Variants in NDUFB9 observed in about 807,000 individuals in gnomAD.
NDUFB9 encodes NADH:ubiquinone oxidoreductase subunit B9.
NDUFB9 carries 24 observed loss-of-function variants against 30.2 expected under a neutral mutation model. The ratio of observed to expected loss-of-function variants is 0.80; its 90% CI spans 0.58 to 1.12. The LOEUF (loss-of-function observed/expected upper bound fraction) is 1.12, where lower values mean the gene tolerates loss of function less well. Ranked by LOEUF, NDUFB9 falls within the 50% of genes most tolerant of loss-of-function variation. The pLI is 0.00. For missense variants in NDUFB9, 204 were observed against 226.0 expected, an observed-to-expected ratio of 0.90 and a Z score of 0.62; for synonymous variants, 80 against 84.0, an observed-to-expected ratio of 0.95 and a Z score of 0.26.
chr8:124,547,564 G>C, intron 3 of NDUFB9: 1 of 371,870 alleles, frequency 2.7e-6, no homozygotes. Context: ...TCAAAAGGTT[G>C]TCATGACTAA....
At position 124,549,880 on chromosome 8, in the gene NDUFB9, G is replaced by A; in HGVS notation, c.528G>A (p.Glu176=). The stretch of plus-strand genomic sequence containing the variant: ...GGTATATTGTGACCAGACCCCGGGA[G>A]CGGCCCATGTAGAAAGAGAGAGACC... ...LWWYIVTRPR[E]RPM The change falls in exon 4 of 4, where the codon GAG becomes GAA. Residue 176 remains glutamate (E), a synonymous_variant. Coordinates refer to ENST00000276689, the MANE Select transcript of NDUFB9 (RefSeq NM_005005.3). The A allele has an allele frequency of 6.2e-7, 1 of 1,614,224 alleles. No homozygotes were observed.
intron 1 of NDUFB9, among the ~76,000 whole-genome samples, chr8:124,539,763 A>T (rs76412604): frequency 3.3e-5 from 5 of 152,326 alleles, no homozygotes; most frequent in Non-Finnish European, 7.4e-5. Flanking sequence ...TAACTTGCGC[A>T]AGGTGATAGA....
intron 2 of NDUFB9, among the ~76,000 whole-genome samples, chr8:124,544,893 A>G (rs545428327): frequency 6.6e-6 from 1 of 152,346 alleles, no homozygotes; most frequent in South Asian, 2.1e-4. Flanking sequence ...TCACCATTCT[A>G]AATGCCATTG....
intron 1 of NDUFB9, among the ~76,000 whole-genome samples, chr8:124,540,638 T>A (rs997662151): frequency 6.6e-6 from 1 of 152,184 alleles, no homozygotes; most frequent in Non-Finnish European, 1.5e-5. Context: ...AGTCCATAGT[T>A]CTAGAGGAAA....
chr8:124,546,338 T>C (rs893551469), intron 2 of NDUFB9, among the ~76,000 whole-genome samples: 6 of 152,202 alleles, frequency 3.9e-5, no homozygotes, highest in South Asian at 4.1e-4. Context: ...ATTCACAAAA[T>C]CTTCACCAGG....
In NDUFB9 at chr8:124,543,143, A is replaced by G; in HGVS notation, c.158A>G (p.Asn53Ser). ...LMRARFEEHK[N>S]EKDMAKATQL... ...AGAGCCCGGTTTGAAGAACATAAGA[A>G]TGAAAAGGATATGGCGAAGGCCACC... Residue 53 changes from asparagine to serine, a missense_variant, in exon 2 of 4, where the codon AAT becomes AGT. Transcript: ENST00000276689. The G allele has an allele frequency of 6.2e-7, 1 of 1,614,260 alleles. No homozygotes were observed. The highest frequency in any genetic ancestry group is 8.5e-7 in the Non-Finnish European group (1 of 1,180,046).
intron 2 of NDUFB9, among the ~76,000 whole-genome samples, chr8:124,545,623 G>A (rs1288367164): frequency 6.6e-6 from 1 of 151,914 alleles, no homozygotes; most frequent in Admixed American, 6.6e-5. Flanking sequence ...GGATCCCCTG[G>A]GCTCAAGCAA....
At chr8:124,549,701 A>T (rs1186667148) in intron 3 of NDUFB9, 60 bp from the exon 4 acceptor site, 1 of 1,539,420 alleles carries the variant, frequency 6.5e-7, no homozygotes, top group African/African-American at 1.4e-5. Flanking sequence ...ACTGCAGCAG[A>T]CAGATTTTTA....
intron 1 of NDUFB9, among the ~76,000 whole-genome samples, chr8:124,540,270 T>C (rs1821893130): frequency 6.6e-6 from 1 of 150,770 alleles, no homozygotes; most frequent in African/African-American, 2.4e-5. Context: ...GTTTTCCTTA[T>C]TTATTTATTG....
At position 124,539,152 on chromosome 8, in the gene NDUFB9, G is replaced by T; in HGVS notation, c.-35G>T. The T allele has an allele frequency of 1.2e-6, 2 of 1,613,666 alleles. No homozygotes were observed. Among genetic ancestry groups the T allele is most frequent in the Non-Finnish European group, 1.7e-6 (2 of 1,179,564 alleles). On this transcript the variant is annotated 5_prime_UTR_variant, in exon 1 of 4. Coordinates refer to ENST00000276689, the MANE Select transcript of NDUFB9 (RefSeq NM_005005.3). The stretch of plus-strand genomic sequence containing the variant: ...ACCCGCAGCAGGCGTGCAGTTTCCC[G>T]GCTCTCCGCGCGGCCGGGGAAGGTC...
At chr8:124,542,144 C>T (rs1328353377) in intron 1 of NDUFB9, among the ~76,000 whole-genome samples, 1 of 150,790 alleles carries the variant, frequency 6.6e-6, no homozygotes, top group East Asian at 2.0e-4. Context: ...TAGAACTCCT[C>T]ACCTCAGATG....
chr8:124,540,674 G>A (rs1030931884), intron 1 of NDUFB9, among the ~76,000 whole-genome samples: 2 of 152,170 alleles, frequency 1.3e-5, no homozygotes, highest in Non-Finnish European at 2.9e-5. Context: ...TACTATGACA[G>A]TTATGGCTCA....
In NDUFB9 at chr8:124,539,127, A is replaced by T; in HGVS notation, c.-60A>T. 1 of 1,612,926 alleles carries T rather than the reference A, an allele frequency of 6.2e-7. No individual in the cohort carries two copies. Reference sequence around the variant, plus strand: ...CCCTTCCGGCTGGCCCCGCTCAGTCACCCGCAGCAGGCGTGCAGTTTCCCG... The same window carrying T: ...CCCTTCCGGCTGGCCCCGCTCAGTCTCCCGCAGCAGGCGTGCAGTTTCCCG... On this transcript the variant is annotated 5_prime_UTR_variant, in exon 1 of 4. Transcript: ENST00000276689.
At chr8:124,543,933 G>GATT (rs376513082) in intron 2 of NDUFB9, among the ~76,000 whole-genome samples, 72 of 152,334 alleles carry the variant, frequency 4.7e-4, no homozygotes, top group African/African-American at 1.7e-3. Context: ...AGCTAGAAAT[G>GATT]ATTAAGCTTA....
chr8:124,540,803 G>C (rs142757043), intron 1 of NDUFB9, among the ~76,000 whole-genome samples: 2 of 152,088 alleles, frequency 1.3e-5, no homozygotes, highest in Non-Finnish European at 2.9e-5. Context: ...GTATGTACTC[G>C]GGCAGCCTCA....
intron 3 of NDUFB9, 58 bp downstream of exon 3, chr8:124,547,171 T>C (rs1462352805): frequency 7.4e-7 from 1 of 1,350,136 alleles, no homozygotes; most frequent in Non-Finnish European, 1.1e-6. Flanking sequence ...GAAGTTTTGC[T>C]CCCCACAAGC....
In NDUFB9 at chr8:124,539,192, G is replaced by A. The variant is rs147909196; in HGVS notation, c.6G>A (p.Ala2=). Reference sequence around the variant, plus strand: ...CGGGGAAGGTCAGCGCCGTAATGGCGTTCTTGGCGTCGGGACCCTACCTGA... The same window carrying A: ...CGGGGAAGGTCAGCGCCGTAATGGCATTCTTGGCGTCGGGACCCTACCTGA... The part of the protein sequence containing the change: M[A]FLASGPYLTH... Residue 2 remains alanine, a synonymous_variant, in exon 1 of 4, where the codon GCG becomes GCA. Coordinates refer to ENST00000276689, the MANE Select transcript of NDUFB9 (RefSeq NM_005005.3). 1 of 1,614,244 alleles carries A rather than the reference G, an allele frequency of 6.2e-7. No individual in the cohort carries two copies. Among genetic ancestry groups the A allele is most frequent in the Non-Finnish European group, 8.5e-7 (1 of 1,180,038 alleles).
intron 1 of NDUFB9, among the ~76,000 whole-genome samples, chr8:124,542,699 A>G (rs944456914): frequency 6.6e-6 from 1 of 152,124 alleles, no homozygotes; most frequent in Non-Finnish European, 1.5e-5. Flanking sequence ...GTATCTCCAG[A>G]ATTTAGCATA....
In NDUFB9 at chr8:124,543,225, C is replaced by T. The variant is rs1419235479; in HGVS notation, c.240C>T (p.Tyr80=). Residue 80 remains tyrosine, a synonymous_variant, in exon 2 of 4, where the codon TAC becomes TAT. Transcript: ENST00000276689. ...EFWYRQHPQP[Y]IFPDSPGGTS... is the part of the protein sequence containing the mutation. Reference sequence around the variant, plus strand: ...GGTACCGTCAGCATCCACAGCCATACATCTTCCCTGACTCTCCTGGGGGCA... The same window carrying T: ...GGTACCGTCAGCATCCACAGCCATATATCTTCCCTGACTCTCCTGGGGGCA... The T allele has an allele frequency of 1.2e-6, 2 of 1,614,114 alleles. No individual in the cohort carries two copies. Among genetic ancestry groups the T allele is most frequent in the South Asian group, 1.1e-5 (1 of 91,090 alleles).
Sources: gnomAD v4.1 joint callset for allele counts (sites outside exome capture counted in the v4.1 genomes callset) on GRCh38, gnomAD v4.1.1 for gene constraint, MANE v1.5 for transcripts, NCBI Gene and HGNC (gene_info 2026-07-23, HGNC 2026-07-21) for gene names.